ERC1: variants seen among roughly 807,000 people sequenced by gnomAD.
ERC1 encodes the protein RAB6 interacting protein 2.
ERC1 carries 56 observed loss-of-function variants against 132.0 expected under a neutral mutation model. That is an observed-to-expected ratio of 0.42 (90% CI 0.34 to 0.53). ERC1 has a LOEUF of 0.53. ERC1 is among the 20% of genes least tolerant of loss of function. ERC1 has a pLI of 0.03. For missense variants in ERC1, 1,202 were observed against 1,349.9 expected, an observed-to-expected ratio of 0.89 and a Z score of 1.72; for synonymous variants, 478 against 476.1, an observed-to-expected ratio of 1.00 and a Z score of -0.05.
chr12:1,275,930 C>A (rs892793950), intron 14 of ERC1, among the ~76,000 whole-genome samples: 1 of 152,148 alleles, frequency 6.6e-6, no homozygotes, highest in African/African-American at 2.4e-5. Flanking sequence ...TACTGATTAC[C>A]TACTGTCTGC....
At chr12:1,298,914 A>C (rs570258780) in intron 15 of ERC1, among the ~76,000 whole-genome samples, 2 of 152,274 alleles carry the variant, frequency 1.3e-5, no homozygotes, top group African/African-American at 4.8e-5. Flanking sequence ...TCAGACAAAG[A>C]GTATTCCCAG....
At chr12:1,348,254 A>G (rs1490481415) in intron 15 of ERC1, among the ~76,000 whole-genome samples, 1 of 152,212 alleles carries the variant, frequency 6.6e-6, no homozygotes, top group Non-Finnish European at 1.5e-5. Context: ...AAGAAAGAGT[A>G]TGTCTGCTAC....
chr12:1,261,443 G>A (rs1168270191), intron 13 of ERC1, among the ~76,000 whole-genome samples: 1 of 152,128 alleles, frequency 6.6e-6, no homozygotes, highest in African/African-American at 2.4e-5. Flanking sequence ...TTCATTAGAG[G>A]GTTTGAGAAG....
chr12:1,484,102 A>G (rs77294710), intron 18 of ERC1, among the ~76,000 whole-genome samples: 12,529 of 144,230 alleles, frequency 0.087, 812 homozygotes, highest in African/African-American at 0.18. Flanking sequence ...TCAGGAGATC[A>G]AGACCTTCCT....
chr12:1,480,975 A>G (rs2094079190), intron 18 of ERC1: 2 of 699,864 alleles, frequency 2.9e-6, no homozygotes, highest in Non-Finnish European at 5.2e-6. Flanking sequence ...GGATGCTGAA[A>G]CTGTGGATGG....
intron 8 of ERC1, among the ~76,000 whole-genome samples, chr12:1,167,644 T>C (rs532431320): frequency 5.8e-4 from 89 of 152,232 alleles, no homozygotes; most frequent in African/African-American, 1.8e-3. Context: ...TTTTTCAGAT[T>C]AGAAAAATCA....
intron 2 of ERC1, among the ~76,000 whole-genome samples, chr12:1,066,377 G>T (rs1043926812): frequency 2.6e-5 from 4 of 152,124 alleles, no homozygotes; most frequent in African/African-American, 9.7e-5. Context: ...TAAAATAATG[G>T]CTTTAAACTG....
At chr12:1,010,872 T>C (rs1002611711) in intron 1 of ERC1, among the ~76,000 whole-genome samples, 13 of 152,264 alleles carry the variant, frequency 8.5e-5, no homozygotes, top group African/African-American at 3.1e-4. Context: ...TCTGGCAGTG[T>C]GCCATTCCAC....
intron 12 of ERC1, among the ~76,000 whole-genome samples, chr12:1,201,519 T>C (rs1390650834): frequency 2.0e-5 from 3 of 152,246 alleles, no homozygotes; most frequent in African/African-American, 7.2e-5. Flanking sequence ...GGTTTACCTA[T>C]ATGCTGAGTT....
At chr12:1,266,391 C>CT (rs71293128) in intron 14 of ERC1, among the ~76,000 whole-genome samples, 649 of 42,958 alleles carry the variant, frequency 0.015, 185 homozygotes, top group East Asian at 0.023. Context: ...CGTTTCCTGT[C>CT]TTTTTTTTTT....
At chr12:1,225,736 CAT>C (rs376119831) in intron 12 of ERC1, among the ~76,000 whole-genome samples, 114 of 152,298 alleles carry the variant, frequency 7.5e-4, no homozygotes, top group African/African-American at 2.5e-3. Flanking sequence ...ATTTATTCCA[CAT>C]GTCATAATGC....
intron 15 of ERC1, among the ~76,000 whole-genome samples, chr12:1,302,853 C>T (rs565110059): frequency 3.6e-4 from 55 of 152,192 alleles, no homozygotes; most frequent in Middle Eastern, 3.4e-3. Flanking sequence ...GTCCCAGCTA[C>T]TCGGGAGGCT....
At chr12:1,405,293 G>GT (rs59265030) in intron 16 of ERC1, among the ~76,000 whole-genome samples, 129 of 146,680 alleles carry the variant, frequency 8.8e-4, no homozygotes, top group Admixed American at 1.0e-3. Flanking sequence ...TTATTAATCG[G>GT]TTTTTTTTTT....
intron 12 of ERC1, among the ~76,000 whole-genome samples, chr12:1,214,561 A>G (rs1373684295): frequency 6.6e-6 from 1 of 152,144 alleles, no homozygotes; most frequent in Non-Finnish European, 1.5e-5. Flanking sequence ...AAGAGTGAAG[A>G]AGAAGCATAT....
At chr12:1,030,446 G>T (rs1967803241) in intron 2 of ERC1, among the ~76,000 whole-genome samples, 3 of 152,218 alleles carry the variant, frequency 2.0e-5, no homozygotes, top group African/African-American at 7.2e-5. Flanking sequence ...GTGTTAGCCA[G>T]GTGTGGTAGC....
At position 1,184,009 on chromosome 12, in the gene ERC1, G is replaced by A. The variant is rs149872557; in HGVS notation, c.2157+588G>A. Among the ~76,000 whole-genome samples the A allele has an allele frequency of 5.9e-3, 899 of 152,076 alleles. 13 individuals carry two copies. The highest frequency in any genetic ancestry group is 0.021 in the African/African-American group (867 of 41,490). On this transcript the variant is annotated intron_variant, in intron 11 of 18. Coordinates refer to ENST00000360905, the MANE Select transcript of ERC1 (RefSeq NM_178040.4). The stretch of plus-strand genomic sequence containing the variant: ...AAATTAGCCAGGCTTGGTGGCGCAG[G>A]CCTGTAATCCTAGCTACTCAGGAGG...
intron 7 of ERC1, among the ~76,000 whole-genome samples, chr12:1,126,986 C>CAAAAAAAAAAAAAAAAAAAAAAAAAAAA (rs71055135): frequency 8.8e-6 from 1 of 114,192 alleles, no homozygotes; most frequent in Non-Finnish European, 1.7e-5. Context: ...GATTCTGTCT[C>CAAAAAAAAAAAAAAAAAAAAAAAAAAAA]AAAAAAAAAA....
At chr12:1,398,950 TTTTTTTTTTTGTTG>T (rs1566770226) in intron 16 of ERC1, among the ~76,000 whole-genome samples, 1 of 100,444 alleles carries the variant, frequency 1.0e-5, no homozygotes, top group African/African-American at 5.6e-5. Flanking sequence ...TTTTTTTTTT[TTTTTTTTTTTGTTG>T]AAACAAGGTC....
chr12:1,080,896 G>A (rs528823537), intron 2 of ERC1, among the ~76,000 whole-genome samples: 3 of 151,392 alleles, frequency 2.0e-5, no homozygotes, highest in Non-Finnish European at 2.9e-5. Flanking sequence ...TATCAGCAGC[G>A]TGAAAACGAA....
Sources: allele counts gnomAD v4.1 joint callset (sites outside exome capture counted in the v4.1 genomes callset), GRCh38; gene constraint gnomAD v4.1.1; transcripts MANE v1.5; gene names NCBI Gene and HGNC (gene_info 2026-07-23, HGNC 2026-07-21).